The following TENM3 variants were observed in gnomAD, a reference collection of about 807,000 sequenced individuals.
The protein encoded by TENM3 is teneurin-3.
Under a neutral mutation model 255.1 loss-of-function variants are expected in TENM3, and 63 were observed. That is an observed-to-expected ratio of 0.25 (90% CI 0.20 to 0.30). The LOEUF is 0.30. TENM3 is among the 10% of genes least tolerant of loss of function. The pLI is 1.00. For synonymous variants in TENM3, 1,306 were observed against 1,322.3 expected, an observed-to-expected ratio of 0.99 and a Z score of 0.27; for missense variants, 2,929 against 3,461.1, an observed-to-expected ratio of 0.85 and a Z score of 3.86.
At chr4:182,165,995 G>A (rs1350646868) in intron 1 of TENM3, among the ~76,000 whole-genome samples, 1 of 152,066 alleles carries the variant, frequency 6.6e-6, no homozygotes, top group African/African-American at 2.4e-5. Context: ...AGCCAGGATG[G>A]TCTCGATCTC....
chr4:181,839,413 A>T, the TENM3 span, among the ~76,000 whole-genome samples: 1 of 143,532 alleles, frequency 7.0e-6, no homozygotes, highest in Non-Finnish European at 1.5e-5. Context: ...ATATACATGT[A>T]TGCCTATATA....
chr4:182,147,495 A>T (rs1750049932), intron 1 of TENM3, among the ~76,000 whole-genome samples: 1 of 152,098 alleles, frequency 6.6e-6, no homozygotes, highest in Admixed American at 6.6e-5. Flanking sequence ...TGATTTCTGG[A>T]TGGTGGTTGA....
At chr4:182,464,851 TAA>T (rs761657564) in intron 3 of TENM3, among the ~76,000 whole-genome samples, 24 of 152,150 alleles carry the variant, frequency 1.6e-4, no homozygotes, top group Non-Finnish European at 2.9e-4. Flanking sequence ...ACATAATAAA[TAA>T]GACTAATAAA....
intron 13 of TENM3, among the ~76,000 whole-genome samples, chr4:182,719,543 A>G (rs375852669): frequency 4.1e-4 from 62 of 151,878 alleles, no homozygotes; most frequent in South Asian, 8.3e-4. Flanking sequence ...ACAGGCATGA[A>G]CCACTGCGCC....
chr4:182,782,304 C>T (rs1185021765), intron 24 of TENM3, among the ~76,000 whole-genome samples: 10 of 118,162 alleles, frequency 8.5e-5, no homozygotes, highest in African/African-American at 3.0e-4. Context: ...GCCTTCATTT[C>T]GTTATGTACC....
At chr4:182,340,977 G>A (rs1764452867) in intron 2 of TENM3, among the ~76,000 whole-genome samples, 1 of 152,056 alleles carries the variant, frequency 6.6e-6, no homozygotes, top group African/African-American at 2.4e-5. Context: ...GTTACTGTAG[G>A]AGAAATGAAT....
At chr4:182,682,723 G>GAT (rs1756272644) in intron 11 of TENM3, among the ~76,000 whole-genome samples, 1 of 151,578 alleles carries the variant, frequency 6.6e-6, no homozygotes, top group South Asian at 2.1e-4. Flanking sequence ...TTTACAAAGT[G>GAT]ATACACGCTG....
chr4:181,841,166 T>C, the TENM3 span, among the ~76,000 whole-genome samples: 2 of 152,240 alleles, frequency 1.3e-5, no homozygotes, highest in Non-Finnish European at 2.9e-5. Context: ...CAGTTGAATA[T>C]CTTTGTCTGT....
the TENM3 span, among the ~76,000 whole-genome samples, chr4:182,078,014 T>C: frequency 6.6e-6 from 1 of 152,098 alleles, no homozygotes; most frequent in African/African-American, 2.4e-5. Flanking sequence ...TTCCAGCATA[T>C]TGGATATATG....
intron 24 of TENM3, among the ~76,000 whole-genome samples, chr4:182,782,002 C>T (rs1238041422): frequency 7.8e-6 from 1 of 128,800 alleles, no homozygotes; most frequent in Non-Finnish European, 1.6e-5. Flanking sequence ...TTTCAAAAAA[C>T]CAGCTCCTGG....
At chr4:182,289,998 C>CGCTCG (rs1761010119) in intron 1 of TENM3, among the ~76,000 whole-genome samples, 1 of 152,064 alleles carries the variant, frequency 6.6e-6, no homozygotes, top group Non-Finnish European at 1.5e-5. Context: ...AAGTCACTCC[C>CGCTCG]GCTCGTGCCC....
chr4:181,467,113 A>G, the TENM3 span, among the ~76,000 whole-genome samples: 1 of 32,400 alleles, frequency 3.1e-5, no homozygotes. Flanking sequence ...GTATATATAT[A>G]TATATATATA....
chr4:182,281,710 T>C (rs1226605766), intron 1 of TENM3, among the ~76,000 whole-genome samples: 2 of 152,176 alleles, frequency 1.3e-5, no homozygotes, highest in Admixed American at 6.5e-5. Flanking sequence ...TAACATGTTA[T>C]AGTAATACAT....
At chr4:182,747,100 A>G (rs1762062638) in intron 19 of TENM3, among the ~76,000 whole-genome samples, 1 of 152,158 alleles carries the variant, frequency 6.6e-6, no homozygotes, top group African/African-American at 2.4e-5. Flanking sequence ...ATGAGTCATG[A>G]GAGGCTTAGG....
the TENM3 span, among the ~76,000 whole-genome samples, chr4:181,969,846 T>G: frequency 6.6e-6 from 1 of 152,358 alleles, no homozygotes; most frequent in South Asian, 2.1e-4. Flanking sequence ...GGATACCACC[T>G]GACAAGAAAC....
At chr4:181,465,983 C>T in the TENM3 span, among the ~76,000 whole-genome samples, 3 of 152,142 alleles carry the variant, frequency 2.0e-5, no homozygotes, top group East Asian at 3.8e-4. Context: ...CCACACTTTA[C>T]CTTCAAATTG....
chr4:182,535,292 T>C (rs1424232095), intron 3 of TENM3, among the ~76,000 whole-genome samples: 1 of 152,240 alleles, frequency 6.6e-6, no homozygotes, highest in African/African-American at 2.4e-5. Context: ...TTTTGGTCAA[T>C]TTTGATACTT....
chr4:182,498,815 A>T (rs1001279600), intron 3 of TENM3, among the ~76,000 whole-genome samples: 3 of 152,002 alleles, frequency 2.0e-5, no homozygotes, highest in African/African-American at 7.2e-5. Flanking sequence ...AGATTGTGCC[A>T]TTGCACTCCA....
chr4:182,311,497 G>A (rs1561307649), intron 1 of TENM3, among the ~76,000 whole-genome samples: 1 of 152,112 alleles, frequency 6.6e-6, no homozygotes, highest in Non-Finnish European at 1.5e-5. Context: ...GAGGTTAAGA[G>A]GAGAGATTTG....
Sources: allele counts gnomAD v4.1 joint callset (sites outside exome capture counted in the v4.1 genomes callset), GRCh38; gene constraint gnomAD v4.1.1; transcripts MANE v1.5; gene names NCBI Gene and HGNC (gene_info 2026-07-23, HGNC 2026-07-21).